PIKFYVE: variants seen among roughly 807,000 people sequenced by gnomAD.
PIKFYVE encodes the protein phosphoinositide kinase, FYVE-type zinc finger containing, also known as 1-phosphatidylinositol 3-phosphate 5-kinase.
In PIKFYVE, 122 loss-of-function variants were observed where a neutral mutation model predicts 257.9. The observed-to-expected ratio is 0.47, with a 90% CI of 0.41 to 0.55. PIKFYVE has a LOEUF of 0.55. Ranked by LOEUF, PIKFYVE falls within the 20% of genes least tolerant of loss-of-function variation. The probability of loss-of-function intolerance (pLI) is 0.00; values close to 1 mark genes in which losing one functional copy is unlikely to be tolerated. For missense variants in PIKFYVE, 2,160 were observed against 2,536.6 expected, an observed-to-expected ratio of 0.85 and a Z score of 3.19; for synonymous variants, 892 against 868.9, an observed-to-expected ratio of 1.03 and a Z score of -0.47.
At chr2:208,277,832 G>GCTGTCTCCCTCACCTTT in intron 5 of PIKFYVE, 124 bp downstream of exon 5, 1 of 984,358 alleles carries the variant, frequency 1.0e-6, no homozygotes, top group Non-Finnish European at 1.6e-6. Flanking sequence ...GGGACACAAA[G>GCTGTCTCCCTCACCTTT]GTGAGGGAGA....
chr2:208,312,212 C>T (rs753234031), intron 12 of PIKFYVE, 24 bp from the exon 13 acceptor site: 4 of 1,581,318 alleles, frequency 2.5e-6, no homozygotes, highest in Non-Finnish European at 3.5e-6. Flanking sequence ...TGTTCCTCCT[C>T]TCTGTTGTCT....
In PIKFYVE at chr2:208,323,380, G is replaced by A. The variant is rs540417877; in HGVS notation, c.2191-762G>A. Among the ~76,000 whole-genome samples, 426 of 146,524 alleles carry A rather than the reference G, an allele frequency of 2.9e-3. 1 individual carries two copies. Among genetic ancestry groups the A allele is most frequent in the Admixed American group, 6.8e-3 (97 of 14,252 alleles). On this transcript the variant is annotated intron_variant, in intron 17 of 41. Transcript: ENST00000264380. ...GTGGTGTTTGGTTTTTTGTCCTTGC[G>A]ATAGTTTACTGAGAATGATGATTTA...
At position 208,348,128 on chromosome 2, in the gene PIKFYVE, T is replaced by A. The variant is rs1049398404; in HGVS notation, c.5374+105T>A. On this transcript the variant is annotated intron_variant, in intron 35 of 41. Coordinates refer to ENST00000264380, the MANE Select transcript of PIKFYVE (RefSeq NM_015040.4). ...AATAGATAATTCTTAGTGCTGAAACTGGGGCATTCCCTCTGTTCTCACTTG... is the reference window on the plus strand; with the variant it reads ...AATAGATAATTCTTAGTGCTGAAACAGGGGCATTCCCTCTGTTCTCACTTG... 108 of 1,397,564 alleles carry A rather than the reference T, an allele frequency of 7.7e-5. No homozygotes were observed. In the East Asian group the frequency reaches 2.4e-3, roughly 32 times the overall value. The allele number at this position is 1,397,564 out of a possible 1,614,324, so 86.6% of individuals were successfully genotyped here. A position where few individuals can be genotyped will look rare whatever the true frequency, so the allele number is the denominator to read the frequency against.
At chr2:208,312,667 A>C (rs1002472263) in intron 13 of PIKFYVE, among the ~76,000 whole-genome samples, 1 of 152,260 alleles carries the variant, frequency 6.6e-6, no homozygotes, top group South Asian at 2.1e-4. Context: ...CCACAGGCAG[A>C]TCTCCAGTTA....
chr2:208,306,927 A>G lies in PIKFYVE; in HGVS notation c.1636+1914A>G, dbSNP rs1363008354. Among the ~76,000 whole-genome samples the G allele has an allele frequency of 2.0e-5, 3 of 152,128 alleles. 1 individual carries two copies. Among genetic ancestry groups the G allele is most frequent in the South Asian group, 4.2e-4 (2 of 4,812 alleles). ...TGAGTAGCTGGGATTACCAGTGCGCACCACCATGCCTGGCTAATTTTTTGT... is the reference window on the plus strand; with the variant it reads ...TGAGTAGCTGGGATTACCAGTGCGCGCCACCATGCCTGGCTAATTTTTTGT... On this transcript the variant is annotated intron_variant, in intron 12 of 41. Coordinates refer to ENST00000264380, the MANE Select transcript of PIKFYVE (RefSeq NM_015040.4).
At chr2:208,305,081 G>C in intron 12 of PIKFYVE, 68 bp downstream of exon 12, 1 of 1,604,114 alleles carries the variant, frequency 6.2e-7, no homozygotes, top group East Asian at 2.3e-5. Context: ...TCTCATGCCA[G>C]CCTGTCCTTC....
At chr2:208,329,497 G>A (rs888915933) in intron 21 of PIKFYVE, among the ~76,000 whole-genome samples, 2 of 152,200 alleles carry the variant, frequency 1.3e-5, no homozygotes, top group Non-Finnish European at 2.9e-5. Context: ...GGACAAGAGA[G>A]TAGGAGACCA....
At chr2:208,269,167 G>C (rs1475945796) in intron 1 of PIKFYVE, among the ~76,000 whole-genome samples, 1 of 152,168 alleles carries the variant, frequency 6.6e-6, no homozygotes, top group Non-Finnish European at 1.5e-5. Flanking sequence ...TACCGAGACT[G>C]TAATGTCCTC....
At chr2:208,296,192 A>G (rs1692961353) in intron 7 of PIKFYVE, among the ~76,000 whole-genome samples, 5 of 152,094 alleles carry the variant, frequency 3.3e-5, no homozygotes, top group Admixed American at 3.3e-4. Flanking sequence ...TTTAATAGAG[A>G]CAGAGTCTCA....
intron 15 of PIKFYVE, among the ~76,000 whole-genome samples, chr2:208,315,840 A>ATTT (rs11411153): frequency 6.8e-6 from 1 of 147,894 alleles, no homozygotes; most frequent in Non-Finnish European, 1.5e-5. Flanking sequence ...ATTTTTTGCG[A>ATTT]TTTTTTTTTT....
chr2:208,345,882 C>G (rs538830502), intron 33 of PIKFYVE, among the ~76,000 whole-genome samples, 168 bp from the exon 34 acceptor site: 2 of 151,800 alleles, frequency 1.3e-5, no homozygotes, highest in African/African-American at 4.8e-5. Flanking sequence ...ACTTTTTTTT[C>G]TGTGTTCTAG....
chr2:208,308,896 C>T lies in PIKFYVE; in HGVS notation c.1637-3340C>T, dbSNP rs533868090. ...CTAATTTTTGTATTTTTAGTAGAGA[C>T]AGGGTTTCACCCTGTTGGTCAGGCT... On this transcript the variant is annotated intron_variant, in intron 12 of 41. Coordinates refer to ENST00000264380, the MANE Select transcript of PIKFYVE (RefSeq NM_015040.4). Among the ~76,000 whole-genome samples, 7 of 152,136 alleles carry T rather than the reference C, an allele frequency of 4.6e-5. No homozygotes were observed. In the East Asian group the frequency reaches 1.4e-3, roughly 29 times the overall value.
At chr2:208,285,099 T>C (rs1216573293) in intron 5 of PIKFYVE, among the ~76,000 whole-genome samples, 1 of 152,072 alleles carries the variant, frequency 6.6e-6, no homozygotes, top group Non-Finnish European at 1.5e-5. Context: ...TTATTTTATT[T>C]ATTTATTTAT....
Position 208,307,763 on chromosome 2 carries a change from A to T in PIKFYVE, c.1636+2750A>T, listed in dbSNP as rs1331186514. 3.9e-5 allele frequency among the ~76,000 whole-genome samples: 6 copies of T among 152,284 alleles called. No homozygotes were observed. In the South Asian group the frequency reaches 1.0e-3, roughly 26 times the overall value. Reference sequence around the variant, plus strand: ...TTTCCATTTTTTATGGTGATACAAGATTGATAAATCAGAAGACTATAATAG... The same window carrying T: ...TTTCCATTTTTTATGGTGATACAAGTTTGATAAATCAGAAGACTATAATAG... On this transcript the variant is annotated intron_variant, in intron 12 of 41. Coordinates refer to ENST00000264380, the MANE Select transcript of PIKFYVE (RefSeq NM_015040.4).
intron 7 of PIKFYVE, among the ~76,000 whole-genome samples, chr2:208,294,506 G>C (rs547117984): frequency 4.1e-4 from 62 of 152,288 alleles, no homozygotes; most frequent in Non-Finnish European, 6.9e-4. Flanking sequence ...TGGGTAAAAG[G>C]AACTATGGTA....
intron 39 of PIKFYVE, 69 bp from the exon 40 acceptor site, chr2:208,353,825 TTTTA>T: frequency 6.4e-7 from 1 of 1,565,044 alleles, no homozygotes. Flanking sequence ...TTTCTGCCTT[TTTTA>T]TTTACTTACA....
intron 15 of PIKFYVE, among the ~76,000 whole-genome samples, chr2:208,316,787 A>G (rs558297226): frequency 4.6e-5 from 7 of 152,366 alleles, no homozygotes; most frequent in Non-Finnish European, 5.9e-5. Context: ...AAATAGAGAT[A>G]TAGATCAATG....
At chr2:208,336,949 T>C in intron 28 of PIKFYVE, 21 bp downstream of exon 28, 1 of 1,552,796 alleles carries the variant, frequency 6.4e-7, no homozygotes, top group Non-Finnish European at 8.9e-7. Flanking sequence ...TAGTCTTGTC[T>C]TTGGTCCTTA....
At chr2:208,321,100 T>G (rs576445560) in intron 17 of PIKFYVE, among the ~76,000 whole-genome samples, 1 of 152,192 alleles carries the variant, frequency 6.6e-6, no homozygotes, top group Non-Finnish European at 1.5e-5. Flanking sequence ...AAGGTACCAA[T>G]TATTATTTTT....
Sources: allele counts gnomAD v4.1 joint callset (sites outside exome capture counted in the v4.1 genomes callset), GRCh38; gene constraint gnomAD v4.1.1; transcripts MANE v1.5; gene names NCBI Gene and HGNC (gene_info 2026-07-23, HGNC 2026-07-21).